GRM7: variants seen among roughly 807,000 people sequenced by gnomAD.
The protein encoded by GRM7 is metabotropic glutamate receptor 7.
A neutral mutation model predicts 84.5 loss-of-function variants in GRM7; 35 were observed. The ratio of observed to expected loss-of-function variants is 0.41; its 90% CI spans 0.32 to 0.55. The LOEUF (loss-of-function observed/expected upper bound fraction) is 0.55. Ranked by LOEUF, GRM7 falls within the 20% of genes least tolerant of loss-of-function variation. GRM7 has a pLI of 0.19. For missense variants in GRM7, 1,003 were observed against 1,194.6 expected (o/e 0.84, Z 2.36); for synonymous variants, 487 against 455.1 (o/e 1.07, Z -0.89).
intron 1 of GRM7, among the ~76,000 whole-genome samples, chr3:7,125,219 G>C (rs557799016): frequency 2.8e-4 from 43 of 152,228 alleles, no homozygotes; most frequent in Non-Finnish European, 5.7e-4. Context: ...GATTACAGGC[G>C]TGAGCCACCA....
rs145361414 is a variant in GRM7, at chr3:6,928,056, G to A, written c.519+66149G>A. Among the ~76,000 whole-genome samples the A allele has an allele frequency of 3.1e-4, 47 of 151,152 alleles. 2 individuals are homozygous for A. In the East Asian group the frequency reaches 8.9e-3, roughly 29 times the overall value. On this transcript the variant is annotated intron_variant, in intron 1 of 9. Transcript: ENST00000357716. The surrounding 1 kb of genome is among the most constrained non-coding windows in gnomAD (Gnocchi z 4.5). ...AATCTAAATCTAGACCTTCACATTT[G>A]AAATTATTTCAGTTATATCCCTTTT...
At chr3:7,629,815 G>A (rs145906229) in intron 8 of GRM7, among the ~76,000 whole-genome samples, 32 of 152,046 alleles carry the variant, frequency 2.1e-4, no homozygotes, top group African/African-American at 7.5e-4. Flanking sequence ...TACATTCCAA[G>A]TTTTTTTTAA....
intron 1 of GRM7, among the ~76,000 whole-genome samples, chr3:6,964,863 G>A (rs577994688): frequency 2.0e-5 from 3 of 152,154 alleles, no homozygotes; most frequent in Non-Finnish European, 2.9e-5. Flanking sequence ...CCTGTCTTCT[G>A]TGTTCAATAT....
Position 7,422,738 on chromosome 3 carries a change from A to T in GRM7, c.1174+7575A>T, listed in dbSNP as rs550643652. 1.7e-3 allele frequency among the ~76,000 whole-genome samples: 259 copies of T among 152,166 alleles called. 2 individuals carry two copies. Among genetic ancestry groups the T allele is most frequent in the African/African-American group, 5.9e-3 (244 of 41,510 alleles). On this transcript the variant is annotated intron_variant, in intron 5 of 9. Transcript: ENST00000357716. ...GAACACAAAGGTCAGTCCTTTATTTATTATTATTATTTTCTTTTTTACTTC... is the reference window on the plus strand; with the variant it reads ...GAACACAAAGGTCAGTCCTTTATTTTTTATTATTATTTTCTTTTTTACTTC...
chr3:6,990,951 C>T (rs952600210), intron 1 of GRM7, among the ~76,000 whole-genome samples: 22 of 152,024 alleles, frequency 1.4e-4, no homozygotes, highest in African/African-American at 4.6e-4. Context: ...AGCCTATAGT[C>T]CCAGCGCTTT....
chr3:7,566,571 T>A (rs1011067714), intron 7 of GRM7, among the ~76,000 whole-genome samples: 1 of 152,286 alleles, frequency 6.6e-6, no homozygotes, highest in South Asian at 2.1e-4. Context: ...AGGAGGTCAT[T>A]TGCAGTTAGC....
chr3:7,300,609 G>A (rs1051358962), intron 3 of GRM7, among the ~76,000 whole-genome samples: 2 of 151,940 alleles, frequency 1.3e-5, no homozygotes, highest in African/African-American at 2.4e-5. Context: ...GCTACTGTAG[G>A]CACACTGCCG....
At chr3:7,481,580 G>A (rs778914102) in intron 7 of GRM7, among the ~76,000 whole-genome samples, 6 of 152,166 alleles carry the variant, frequency 3.9e-5, no homozygotes, top group Non-Finnish European at 5.9e-5. Context: ...TGCTGAGAAA[G>A]GAGAAATAAG....
At position 6,889,959 on chromosome 3, in the gene GRM7, G is replaced by A. The variant is rs1263745012; in HGVS notation, c.519+28052G>A. 2.6e-5 allele frequency among the ~76,000 whole-genome samples: 4 copies of A among 152,250 alleles called. No individual in the cohort carries two copies. In the South Asian group the frequency reaches 8.3e-4, roughly 32 times the overall value. ...TTCAACTTCTTCCTGGTTTAGTCTT[G>A]GGAGGGTGTACGTGTCGAGGAATTT... On this transcript the variant is annotated intron_variant, in intron 1 of 9. Coordinates refer to ENST00000357716, the MANE Select transcript of GRM7 (RefSeq NM_000844.4).
chr3:7,130,836 G>A (rs1693570963), intron 1 of GRM7, among the ~76,000 whole-genome samples: 2 of 152,056 alleles, frequency 1.3e-5, no homozygotes, highest in Admixed American at 6.6e-5. Context: ...TTAGATTCTA[G>A]AACAAATCAA....
At position 7,105,363 on chromosome 3, in the gene GRM7, T is replaced by C. The variant is rs765565274; in HGVS notation, c.520-41089T>C. 2.0e-5 allele frequency among the ~76,000 whole-genome samples: 3 copies of C among 151,922 alleles called. No individual in the cohort carries two copies. The South Asian group carries it at 6.2e-4, about 31-fold the overall frequency. On this transcript the variant is annotated intron_variant, in intron 1 of 9. Coordinates refer to ENST00000357716, the MANE Select transcript of GRM7 (RefSeq NM_000844.4). Reference sequence around the variant, plus strand: ...TCTATCCAGGGATCCAGCTGCAAAGTTGCAAGACATCAGAAGCTTTGCCTA... The same window carrying C: ...TCTATCCAGGGATCCAGCTGCAAAGCTGCAAGACATCAGAAGCTTTGCCTA...
intron 1 of GRM7, among the ~76,000 whole-genome samples, chr3:6,872,397 C>G (rs1695151821): frequency 6.6e-6 from 1 of 152,194 alleles, no homozygotes; most frequent in Non-Finnish European, 1.5e-5. Flanking sequence ...TTGCCTTGAT[C>G]TCACTCTCTC....
At chr3:6,974,482 G>C (rs967576761) in intron 1 of GRM7, among the ~76,000 whole-genome samples, 3 of 152,150 alleles carry the variant, frequency 2.0e-5, no homozygotes, top group African/African-American at 7.2e-5. Flanking sequence ...GAAAATAGAA[G>C]ACACGTGAGA....
chr3:7,348,383 C>T (rs1306117676), intron 4 of GRM7, among the ~76,000 whole-genome samples: 1 of 152,092 alleles, frequency 6.6e-6, no homozygotes, highest in Non-Finnish European at 1.5e-5. Context: ...CTACTGATAT[C>T]CTGCTTATAT....
chr3:7,630,989 TG>T (rs1697836848), intron 8 of GRM7, among the ~76,000 whole-genome samples: 1 of 152,224 alleles, frequency 6.6e-6, no homozygotes, highest in Non-Finnish European at 1.5e-5. Flanking sequence ...AACCCTTGGA[TG>T]TTAACAAAAG....
At chr3:7,466,204 G>A (rs1265735291) in intron 7 of GRM7, among the ~76,000 whole-genome samples, 3 of 152,110 alleles carry the variant, frequency 2.0e-5, no homozygotes, top group African/African-American at 7.2e-5. Context: ...AGCTCATGGA[G>A]ATATTAGAAT....
At chr3:7,033,652 T>A (rs1201280982) in intron 1 of GRM7, among the ~76,000 whole-genome samples, 1 of 152,198 alleles carries the variant, frequency 6.6e-6, no homozygotes, top group African/African-American at 2.4e-5. Context: ...AATTTCTTTT[T>A]ACTTTCTCAA....
chr3:7,262,108 T>TG (rs1269061741), intron 2 of GRM7, among the ~76,000 whole-genome samples: 1 of 151,850 alleles, frequency 6.6e-6, no homozygotes, highest in Non-Finnish European at 1.5e-5. Flanking sequence ...ACTTTTTTTT[T>TG]TTTCATTTTG....
At chr3:6,910,403 A>G (rs996697676) in intron 1 of GRM7, among the ~76,000 whole-genome samples, 7 of 152,120 alleles carry the variant, frequency 4.6e-5, no homozygotes, top group Admixed American at 4.6e-4. Flanking sequence ...TCAGGAACCC[A>G]TGTCTCTTCC....
Sources: allele counts gnomAD v4.1 joint callset (sites outside exome capture counted in the v4.1 genomes callset), GRCh38; gene constraint gnomAD v4.1.1; non-coding constraint Gnocchi (gnomAD v3.1); transcripts MANE v1.5; gene names NCBI Gene and HGNC (gene_info 2026-07-23, HGNC 2026-07-21).